Variants in FOXP1 observed in about 807,000 individuals in gnomAD.
FOXP1 encodes the protein forkhead box P1, also known as forkhead box protein P1.
In FOXP1, 15 loss-of-function variants were observed where a neutral mutation model predicts 98.2. The observed-to-expected ratio is 0.15, with a 90% CI of 0.10 to 0.24. FOXP1 has a LOEUF of 0.24. Among genes scored for constraint, FOXP1 ranks in the 10% least tolerant of loss-of-function variants. FOXP1 has a pLI of 1.00. For synonymous variants in FOXP1, 371 were observed against 314.5 expected (o/e 1.18, Z -1.90); for missense variants, 633 against 848.5 (o/e 0.75, Z 3.15).
At chr3:70,987,822 A>G (rs1229621757) in intron 14 of FOXP1, among the ~76,000 whole-genome samples, 172 bp downstream of exon 14, 1 of 152,256 alleles carries the variant, frequency 6.6e-6, no homozygotes, top group Non-Finnish European at 1.5e-5. Context: ...AATGCCTAGC[A>G]TATGACCTTC....
At chr3:71,567,681 T>C (rs1439549889) in intron 2 of FOXP1, among the ~76,000 whole-genome samples, 1 of 152,168 alleles carries the variant, frequency 6.6e-6, no homozygotes, top group Non-Finnish European at 1.5e-5. Context: ...CATCTCTACT[T>C]GATGGGGCTC....
chr3:71,571,991 G>A (rs936007839), intron 2 of FOXP1: 2 of 152,194 alleles, frequency 1.3e-5, no homozygotes, highest in African/African-American at 4.8e-5. Context: ...TTACCATAAA[G>A]ATGCCAGTCC....
intron 6 of FOXP1, among the ~76,000 whole-genome samples, chr3:71,128,368 T>C (rs904597235): frequency 6.6e-6 from 1 of 152,000 alleles, no homozygotes; most frequent in Non-Finnish European, 1.5e-5. Flanking sequence ...GCCTTTCCCT[T>C]GGCCTCTGGA....
intron 7 of FOXP1, among the ~76,000 whole-genome samples, chr3:71,054,616 C>T (rs1240607517): frequency 6.6e-6 from 1 of 152,162 alleles, no homozygotes; most frequent in Non-Finnish European, 1.5e-5. Flanking sequence ...ATTCTGCAAG[C>T]TTTCTAGAAT....
chr3:71,194,727 C>T (rs975035813), intron 6 of FOXP1, among the ~76,000 whole-genome samples: 1 of 152,054 alleles, frequency 6.6e-6, no homozygotes, highest in Non-Finnish European at 1.5e-5. Flanking sequence ...GTTATGGTAT[C>T]GGGTAAAGAA....
rs150417657 is a variant in FOXP1 at position 71,124,591 on chromosome 3, T to C, written c.181-11954A>G. On this transcript the variant is annotated intron_variant, in intron 6 of 20. Transcript: ENST00000649528. ...CAGCATGATGTATGCAAGTGTGTGG[T>C]GCACATATTATGTTTGTGGTTACTT... is the stretch of plus-strand genomic sequence containing the variant. Among the ~76,000 whole-genome samples the C allele has an allele frequency of 5.6e-3, 843 of 151,040 alleles. 5 individuals carry two copies. The highest frequency in any genetic ancestry group is 0.016 in the African/African-American group (667 of 41,284).
chr3:71,104,800 G>GAT (rs1447747255), intron 7 of FOXP1, among the ~76,000 whole-genome samples: 1 of 152,172 alleles, frequency 6.6e-6, no homozygotes, highest in East Asian at 1.9e-4. Flanking sequence ...AAAACGTCCT[G>GAT]ATATATAAAC....
chr3:70,971,207 C>T (rs1336931865), intron 18 of FOXP1: 1 of 285,946 alleles, frequency 3.5e-6, no homozygotes, highest in Non-Finnish European at 6.8e-6. Flanking sequence ...AGAATCTTGG[C>T]TCCTAAGCAT....
intron 3 of FOXP1, among the ~76,000 whole-genome samples, chr3:71,483,329 A>G (rs2090422839): frequency 6.6e-6 from 1 of 152,240 alleles, no homozygotes; most frequent in Non-Finnish European, 1.5e-5. Context: ...AGCATTAAAT[A>G]AAAACTGATG....
intron 13 of FOXP1, among the ~76,000 whole-genome samples, chr3:70,993,954 A>G (rs1032817013): frequency 7.3e-5 from 11 of 151,704 alleles, no homozygotes; most frequent in Admixed American, 5.9e-4. Flanking sequence ...AGATCCTGCC[A>G]CCTACACTCC....
intron 6 of FOXP1, among the ~76,000 whole-genome samples, chr3:71,187,561 C>T (rs957818795): frequency 2.6e-5 from 4 of 151,916 alleles, no homozygotes; most frequent in Non-Finnish European, 5.9e-5. Context: ...CCAGCCTGGG[C>T]GACAAGAGTG....
At chr3:71,445,917 C>T (rs1031136557) in intron 3 of FOXP1, among the ~76,000 whole-genome samples, 1 of 152,096 alleles carries the variant, frequency 6.6e-6, no homozygotes, top group Non-Finnish European at 1.5e-5. Flanking sequence ...AAACTCCTGC[C>T]GTCAGGTGAT....
At chr3:71,271,099 G>A (rs536458525) in intron 5 of FOXP1, among the ~76,000 whole-genome samples, 3 of 152,084 alleles carry the variant, frequency 2.0e-5, no homozygotes, top group Non-Finnish European at 2.9e-5. Flanking sequence ...GTGTACTGGC[G>A]CACACCTGTA....
intron 2 of FOXP1, among the ~76,000 whole-genome samples, chr3:71,502,299 T>TC (rs1445859398): frequency 6.6e-6 from 1 of 152,172 alleles, no homozygotes; most frequent in African/African-American, 2.4e-5. Flanking sequence ...CCTCTGCAGC[T>TC]CCCTGGAAGG....
chr3:71,206,380 T>A (rs1445404011), intron 5 of FOXP1, among the ~76,000 whole-genome samples: 3 of 152,166 alleles, frequency 2.0e-5, no homozygotes, highest in Non-Finnish European at 4.4e-5. Context: ...CATTGAAAGA[T>A]AATCAACCAA....
At chr3:71,509,602 G>A (rs2042054194) in intron 2 of FOXP1, among the ~76,000 whole-genome samples, 1 of 152,182 alleles carries the variant, frequency 6.6e-6, no homozygotes, top group South Asian at 2.1e-4. Context: ...CTCCTGAAAG[G>A]ACAAGCTAGG....
intron 6 of FOXP1, among the ~76,000 whole-genome samples, chr3:71,149,533 T>C (rs1055266103): frequency 2.6e-5 from 4 of 152,234 alleles, no homozygotes; most frequent in African/African-American, 9.6e-5. Flanking sequence ...TTCTTTTTTA[T>C]GTATCAAGTA....
chr3:71,559,137 A>C (rs2046362470), intron 2 of FOXP1, among the ~76,000 whole-genome samples: 1 of 152,228 alleles, frequency 6.6e-6, no homozygotes, highest in Non-Finnish European at 1.5e-5. Flanking sequence ...TGTTAATGGC[A>C]GGCAGAAATT....
chr3:71,148,845 G>C (rs771159108), intron 6 of FOXP1, among the ~76,000 whole-genome samples: 34 of 152,142 alleles, frequency 2.2e-4, no homozygotes, highest in Non-Finnish European at 4.1e-4. Flanking sequence ...GGCAGACATG[G>C]GTGAAGCACT....
Sources: allele counts gnomAD v4.1 joint callset (sites outside exome capture counted in the v4.1 genomes callset), GRCh38; gene constraint gnomAD v4.1.1; transcripts MANE v1.5; gene names NCBI Gene and HGNC (gene_info 2026-07-23, HGNC 2026-07-21).